EXTL3: variants seen among roughly 807,000 people sequenced by gnomAD.
EXTL3 encodes exostosin like glycosyltransferase 3, also known as exostosin-like 3.
A neutral mutation model predicts 69.3 loss-of-function variants in EXTL3; 27 were observed. That is an observed-to-expected ratio of 0.39 (90% CI 0.29 to 0.54). The LOEUF (loss-of-function observed/expected upper bound fraction) is 0.54, where lower values mean the gene tolerates loss of function less well. Ranked by LOEUF, EXTL3 falls within the 20% of genes least tolerant of loss-of-function variation. EXTL3 has a pLI of 0.69. For synonymous variants in EXTL3, 511 were observed against 499.4 expected (o/e 1.02, Z -0.31); for missense variants, 1,003 against 1,231.8 (o/e 0.81, Z 2.78).
intron 1 of EXTL3, among the ~76,000 whole-genome samples, chr8:28,707,321 C>T (rs1303390872): frequency 1.3e-5 from 2 of 152,186 alleles, no homozygotes; most frequent in African/African-American, 4.8e-5. Flanking sequence ...GTTTCCTATC[C>T]TTGGTGATAC....
intron 1 of EXTL3, among the ~76,000 whole-genome samples, chr8:28,642,001 A>G (rs1400612330): frequency 2.0e-5 from 3 of 151,770 alleles, no homozygotes; most frequent in African/African-American, 7.3e-5. Context: ...ACGCCCAGCT[A>G]ATTTTTTCTA....
chr8:28,741,411 G>T (rs1373386806), intron 5 of EXTL3: 1 of 152,022 alleles, frequency 6.6e-6, no homozygotes, highest in Non-Finnish European at 1.5e-5. Flanking sequence ...CAATAAATTT[G>T]AATTACCTTT....
At position 28,716,208 on chromosome 8, in the gene EXTL3, A is replaced by T; in HGVS notation, c.149A>T (p.Tyr50Phe). 6.2e-7 allele frequency: 1 copy of T among 1,614,118 alleles called. No individual in the cohort carries two copies. Among genetic ancestry groups the T allele is most frequent in the Non-Finnish European group, 8.5e-7 (1 of 1,180,016 alleles). Reference protein sequence around the residue: ...LVFFPLIAHYYLTTLDEADEA... With the variant: ...LVFFPLIAHYFLTTLDEADEA... ...TTCTTCCCGCTCATCGCCCACTATT[A>T]CCTCACCACTCTGGATGAGGCTGAT... Residue 50 changes from tyrosine to phenylalanine, a missense_variant, in exon 3 of 7, where the codon TAC (tyrosine) becomes TTC (phenylalanine). Tyr to Phe is a conservative substitution (Grantham distance 22, BLOSUM62 3). Transcript: ENST00000220562. The surrounding 1 kb of genome is among the most constrained non-coding windows in gnomAD (Gnocchi z 7.1).
intron 4 of EXTL3, among the ~76,000 whole-genome samples, chr8:28,731,713 G>A (rs1248516125): frequency 6.6e-6 from 1 of 152,126 alleles, no homozygotes; most frequent in African/African-American, 2.4e-5. Flanking sequence ...AAAGGAAATA[G>A]GAGGGTTTTG....
chr8:28,618,188 G>A (rs551429885), upstream of EXTL3, among the ~76,000 whole-genome samples: 129 of 151,884 alleles, frequency 8.5e-4, no homozygotes, highest in African/African-American at 3.0e-3. Flanking sequence ...CAGTGAAGCC[G>A]GGCATGGTGG....
intron 1 of EXTL3, among the ~76,000 whole-genome samples, chr8:28,687,893 A>C (rs1409144391): frequency 6.6e-6 from 1 of 152,196 alleles, no homozygotes; most frequent in Non-Finnish European, 1.5e-5. Context: ...GGGATAACGA[A>C]TTTAGGAAGT....
chr8:28,616,393 A>G (rs1273704837), intron 2 of EXTL3, among the ~76,000 whole-genome samples: 1 of 152,164 alleles, frequency 6.6e-6, no homozygotes, highest in African/African-American at 2.4e-5. Flanking sequence ...TGGGAGGCTG[A>G]GGCGGGTGGA....
At chr8:28,625,045 T>C (rs1200099999) in intron 1 of EXTL3, among the ~76,000 whole-genome samples, 1 of 152,186 alleles carries the variant, frequency 6.6e-6, no homozygotes, top group Non-Finnish European at 1.5e-5. Flanking sequence ...TGGCATACTT[T>C]TTGCTTCTAA....
intron 1 of EXTL3, among the ~76,000 whole-genome samples, chr8:28,694,873 C>T (rs1362045430): frequency 4.6e-5 from 7 of 152,048 alleles, no homozygotes; most frequent in African/African-American, 1.7e-4. Flanking sequence ...ACTAGCTGGG[C>T]GTGGTGGCAC....
upstream of EXTL3, among the ~76,000 whole-genome samples, chr8:28,619,266 TAAAAAAAAAAAAAAAAAAAAAAA>T (rs755355444): frequency 7.3e-3 from 473 of 64,640 alleles, 4 homozygotes; most frequent in African/African-American, 0.027. Flanking sequence ...AGCTTAGTGA[TAAAAAAAAAAAAAAAAAAAAAAA>T]AAAAAAAAAA....
At chr8:28,634,235 AAGG>A (rs1416526624) in intron 1 of EXTL3, among the ~76,000 whole-genome samples, 6 of 152,318 alleles carry the variant, frequency 3.9e-5, no homozygotes, top group East Asian at 1.9e-4. Flanking sequence ...AAGCTAAATC[AAGG>A]AGGAGAAATG....
chr8:28,732,023 G>A (rs998732063), intron 4 of EXTL3, among the ~76,000 whole-genome samples: 20 of 152,114 alleles, frequency 1.3e-4, no homozygotes, highest in African/African-American at 4.6e-4. Flanking sequence ...TCATGTAGGA[G>A]TAAATTGAGA....
At chr8:28,641,957 T>C (rs576149585) in intron 1 of EXTL3, among the ~76,000 whole-genome samples, 1 of 152,200 alleles carries the variant, frequency 6.6e-6, no homozygotes, top group African/African-American at 2.4e-5. Flanking sequence ...TGCCTCAGCC[T>C]CCCAAGTAGC....
At chr8:28,620,030 C>T (rs948701579), upstream of EXTL3, among the ~76,000 whole-genome samples, 2 of 151,588 alleles carry the variant, frequency 1.3e-5, no homozygotes, top group African/African-American at 2.4e-5. Context: ...GCCACCATGC[C>T]CGGCTAATTT....
chr8:28,713,538 C>A lies in EXTL3; in HGVS notation c.-488C>A. 1.4e-6 allele frequency: 1 copy of A among 702,128 alleles called. No individual in the cohort carries two copies. The highest frequency in any genetic ancestry group is 1.7e-5 in the African/African-American group (1 of 57,246). The allele number at this position is 702,128 out of a possible 1,614,324, so 43.5% of individuals were successfully genotyped here. On this transcript the variant is annotated 5_prime_UTR_variant, in exon 2 of 7. Coordinates refer to ENST00000220562, the MANE Select transcript of EXTL3 (RefSeq NM_001440.4). ...TACACAAGTCAGAGGAAGGAAGGGT[C>A]CTGAAACACATGGTGAGGAAGGAAT...
intron 2 of EXTL3, among the ~76,000 whole-genome samples, chr8:28,607,990 G>C (rs969302007): frequency 1.3e-5 from 2 of 151,738 alleles, no homozygotes; most frequent in African/African-American, 2.4e-5. Context: ...GGCGCCTGTA[G>C]TCCCAGCTAC....
intron 4 of EXTL3, among the ~76,000 whole-genome samples, chr8:28,731,924 G>A (rs961980641): frequency 2.0e-5 from 3 of 152,130 alleles, no homozygotes; most frequent in Admixed American, 1.3e-4. Context: ...TGTTGAACCC[G>A]TACTGTGTGC....
At chr8:28,722,460 A>G (rs1801311851) in intron 3 of EXTL3, among the ~76,000 whole-genome samples, 4 of 152,176 alleles carry the variant, frequency 2.6e-5, no homozygotes, top group Admixed American at 2.6e-4. Flanking sequence ...ATGAGGTCAG[A>G]ATGCACCATT....
intron 1 of EXTL3, among the ~76,000 whole-genome samples, chr8:28,692,823 A>G (rs981619435): frequency 1.3e-5 from 2 of 152,220 alleles, no homozygotes; most frequent in Non-Finnish European, 2.9e-5. Flanking sequence ...TTCTAGAGTC[A>G]TTGAGCTGTA....
Sources: gnomAD v4.1 joint callset for allele counts (sites outside exome capture counted in the v4.1 genomes callset) on GRCh38, gnomAD v4.1.1 for gene constraint, Gnocchi (gnomAD v3.1) non-coding constraint, MANE v1.5 for transcripts, NCBI Gene and HGNC (gene_info 2026-07-23, HGNC 2026-07-21) for gene names.